NDST1: variants seen among roughly 807,000 people sequenced by gnomAD.
NDST1 encodes the protein bifunctional heparan sulfate N-deacetylase/N-sulfotransferase 1.
In NDST1, 35 loss-of-function variants were observed where a neutral mutation model predicts 92.8. The ratio of observed to expected loss-of-function variants is 0.38; its 90% CI spans 0.29 to 0.50. The LOEUF is 0.50. NDST1 is among the 20% of genes least tolerant of loss of function. The probability of loss-of-function intolerance (pLI) is 0.94; values close to 1 mark genes in which losing one functional copy is unlikely to be tolerated. For synonymous variants in NDST1, 493 were observed against 500.3 expected, an observed-to-expected ratio of 0.99 and a Z score of 0.19; for missense variants, 822 against 1,182.7, an observed-to-expected ratio of 0.69 and a Z score of 4.47.
intron 3 of NDST1, among the ~76,000 whole-genome samples, chr5:150,532,121 G>A (rs1335757508): frequency 4.6e-5 from 7 of 152,184 alleles, no homozygotes; most frequent in Non-Finnish European, 1.0e-4. Flanking sequence ...GCAGTTTTAC[G>A]TACAATATCT....
chr5:150,499,420 T>C (rs961172508), intron 1 of NDST1, among the ~76,000 whole-genome samples: 3 of 152,198 alleles, frequency 2.0e-5, no homozygotes, highest in Non-Finnish European at 4.4e-5. Context: ...AACCCTGTCC[T>C]TAAGCTATGA....
In NDST1 at chr5:150,536,487, C is replaced by A. The variant is rs1368921375; in HGVS notation, c.1437+602C>A. On this transcript the variant is annotated intron_variant, in intron 6 of 14. Transcript: ENST00000261797. Reference sequence around the variant, plus strand: ...CGCCACTGCACTCCAGCCTAGGTGACAAAGTGAGACTCTGTCTCAAAAAAA... The same window carrying A: ...CGCCACTGCACTCCAGCCTAGGTGAAAAAGTGAGACTCTGTCTCAAAAAAA... Among the ~76,000 whole-genome samples, 36 of 150,586 alleles carry A rather than the reference C, an allele frequency of 2.4e-4. No homozygotes were observed. The South Asian group carries it at 7.6e-3, about 32-fold the overall frequency.
At chr5:150,502,481 T>C (rs1253370874) in intron 1 of NDST1, among the ~76,000 whole-genome samples, 1 of 151,708 alleles carries the variant, frequency 6.6e-6, no homozygotes, top group Non-Finnish European at 1.5e-5. Context: ...CAATTAAGAT[T>C]TGGGGTCAGC....
chr5:150,514,986 G>C (rs1472651084), intron 1 of NDST1, among the ~76,000 whole-genome samples: 3 of 152,224 alleles, frequency 2.0e-5, no homozygotes, highest in Non-Finnish European at 4.4e-5. Context: ...TGTGTGCCGG[G>C]TGCTGGTGAG....
At chr5:150,541,828 G>A (rs575550974) in intron 9 of NDST1, among the ~76,000 whole-genome samples, 162 bp downstream of exon 9, 1 of 152,294 alleles carries the variant, frequency 6.6e-6, no homozygotes, top group South Asian at 2.1e-4. Context: ...CTGTCAGTAT[G>A]GAGGGGAAAG....
At chr5:150,546,247 C>G (rs3095901) in intron 11 of NDST1, among the ~76,000 whole-genome samples, 2 of 151,952 alleles carry the variant, frequency 1.3e-5, no homozygotes, top group African/African-American at 2.4e-5. Context: ...CTTCCCGCCT[C>G]GGCCTCTCAA....
intron 5 of NDST1, chr5:150,535,464 G>A (rs188191756): frequency 2.7e-4 from 247 of 902,472 alleles, no homozygotes; most frequent in Non-Finnish European, 3.1e-4. Context: ...CATGTGCACC[G>A]GACCAAGAGT....
In NDST1 at chr5:150,556,721, C is replaced by G. The variant is rs1289404814; in HGVS notation, c.*3389C>G. The G allele has an allele frequency of 6.6e-6, 1 of 152,278 alleles. No homozygotes were observed. The highest frequency in any genetic ancestry group is 1.5e-5 in the Non-Finnish European group (1 of 68,038). The allele number at this position is 152,278 out of a possible 1,614,324, so 9.4% of individuals were successfully genotyped here. A position where few individuals can be genotyped will look rare whatever the true frequency, so the allele number is the denominator to read the frequency against. ...TTAGGGCATTGTCCTACACATTGGCCCAGTATCACAGCCAAGACGAGAAGT... is the reference window on the plus strand; with the variant it reads ...TTAGGGCATTGTCCTACACATTGGCGCAGTATCACAGCCAAGACGAGAAGT... On this transcript the variant is annotated 3_prime_UTR_variant, in exon 15 of 15. Coordinates refer to ENST00000261797, the MANE Select transcript of NDST1 (RefSeq NM_001543.5).
rs1489292638 is a variant in NDST1 at position 150,553,153 on chromosome 5, T to C, written c.2530-60T>C. 1.9e-6 allele frequency: 3 copies of C among 1,586,456 alleles called. No individual in the cohort carries two copies. The highest frequency in any genetic ancestry group is 2.6e-6 in the Non-Finnish European group (3 of 1,161,300). On this transcript the variant is annotated intron_variant, in intron 14 of 14. Transcript: ENST00000261797. This position sits in a 1 kb window ranked among gnomAD's most constrained non-coding sequence, Gnocchi z 4.2. ...ACCGTGCCCGGCCGAGCATGGCGAT[T>C]TTTAGAGGAGGTCACTCTTAAGTCA... is the stretch of plus-strand genomic sequence containing the variant.
chr5:150,507,333 C>T (rs968450325), upstream of NDST1, among the ~76,000 whole-genome samples: 2 of 151,964 alleles, frequency 1.3e-5, no homozygotes, highest in Admixed American at 1.3e-4. Context: ...GCCTTGTGCT[C>T]TCCTTGGCAT....
rs779904992 is a variant in NDST1, at chr5:150,539,260, A to G, written c.1470A>G (p.Thr490=). 9.3e-6 allele frequency: 15 copies of G among 1,613,030 alleles called. No homozygotes were observed. In the South Asian group the frequency reaches 1.4e-4, roughly 15 times the overall value. The change falls in exon 7 of 15, where the codon ACA becomes ACG. Residue 490 remains threonine, a synonymous_variant. Coordinates refer to ENST00000261797, the MANE Select transcript of NDST1 (RefSeq NM_001543.5). ...CACGGCAGACCTGCGGCCTCTTCAC[A>G]CACACCATCTTCTACAACGAGTACC... The part of the protein sequence containing the change: ...VLPRQTCGLF[T]HTIFYNEYPG...
chr5:150,510,455 ATGGACCTGACAGCCT>A (rs1277167829), intron 1 of NDST1, among the ~76,000 whole-genome samples: 1 of 152,198 alleles, frequency 6.6e-6, no homozygotes, highest in Non-Finnish European at 1.5e-5. Flanking sequence ...ATTCTGTGTG[ATGGACCTGACAGCCT>A]TGGTGTGCGT....
intron 1 of NDST1, among the ~76,000 whole-genome samples, chr5:150,502,264 G>A (rs1250188348): frequency 6.6e-6 from 1 of 152,144 alleles, no homozygotes; most frequent in East Asian, 1.9e-4. Context: ...TCAGTGGTGG[G>A]TGGGGACGGC....
rs143619244 is a variant in NDST1 at position 150,539,278 on chromosome 5, C to T, written c.1488C>T (p.Asn496=). The change falls in exon 7 of 15, where the codon AAC becomes AAT. Residue 496 remains asparagine, a synonymous_variant. Transcript: ENST00000261797. ...TCTTCACACACACCATCTTCTACAA[C>T]GAGTACCCTGGCGGCTCCAGTGAGC... ...CGLFTHTIFY[N]EYPGGSSELD... 89 of 1,614,112 alleles carry T rather than the reference C, an allele frequency of 5.5e-5. No individual in the cohort carries two copies. The African/African-American group carries it at 9.9e-4, about 18-fold the overall frequency.
chr5:150,519,793 G>T (rs1347557677), intron 1 of NDST1, among the ~76,000 whole-genome samples: 4 of 152,232 alleles, frequency 2.6e-5, no homozygotes, highest in African/African-American at 9.7e-5. Context: ...TGTGTTTGGG[G>T]TTGCTGTTTG....
intron 1 of NDST1, among the ~76,000 whole-genome samples, chr5:150,516,437 G>A (rs1362951445): frequency 6.6e-6 from 1 of 152,210 alleles, no homozygotes; most frequent in African/African-American, 2.4e-5. Flanking sequence ...CTCATTTAAT[G>A]TTCACAACCT....
intron 3 of NDST1, among the ~76,000 whole-genome samples, chr5:150,532,124 C>A (rs1199922465): frequency 6.6e-6 from 1 of 152,198 alleles, no homozygotes; most frequent in Non-Finnish European, 1.5e-5. Context: ...GTTTTACGTA[C>A]AATATCTTTT....
In NDST1 at chr5:150,515,837, G is replaced by A. The variant is rs183644441; in HGVS notation, c.-387-5031G>A. 2.6e-3 allele frequency among the ~76,000 whole-genome samples: 400 copies of A among 152,286 alleles called. 4 individuals are homozygous for A. The highest frequency in any genetic ancestry group is 9.4e-3 in the African/African-American group (390 of 41,564). ...GCCACGGGAGTTCTGGAGTGCAGGC[G>A]GGTGAGGAGGGCCTTGGGTGGAGGG... On this transcript the variant is annotated intron_variant, in intron 1 of 14. Transcript: ENST00000261797.
chr5:150,540,215 C>T lies in NDST1; in HGVS notation c.1700C>T (p.Ala567Val). 3 of 1,613,808 alleles carry T rather than the reference C, an allele frequency of 1.9e-6. No homozygotes were observed. The highest frequency in any genetic ancestry group is 2.5e-6 in the Non-Finnish European group (3 of 1,179,764). The change falls in exon 8 of 15, where the codon GCG (alanine) becomes GTG (valine). Residue 567 changes from alanine to valine, a missense_variant. Ala to Val is a moderately conservative substitution (Grantham distance 64). Transcript: ENST00000261797. ...RLQTLPPVQL[A>V]QKYFQIFSEE... is the part of the protein sequence containing the mutation. ...CAGACACTGCCCCCTGTGCAGTTGG[C>T]GCAGAAGTACTTCCAGATCTTCTCC...
Sources: allele counts gnomAD v4.1 joint callset (sites outside exome capture counted in the v4.1 genomes callset), GRCh38; gene constraint gnomAD v4.1.1; non-coding constraint Gnocchi (gnomAD v3.1); transcripts MANE v1.5; gene names NCBI Gene and HGNC (gene_info 2026-07-23, HGNC 2026-07-21).